Variants in CORO2B observed in about 807,000 individuals in gnomAD.
CORO2B encodes the protein coronin 2B, also known as coronin-2B.
CORO2B carries 26 observed loss-of-function variants against 58.8 expected under a neutral mutation model. That is an observed-to-expected ratio of 0.44 (90% CI 0.32 to 0.61). The LOEUF (loss-of-function observed/expected upper bound fraction) is 0.61, where lower values mean the gene tolerates loss of function less well. CORO2B is among the 20% of genes least tolerant of loss of function. The probability of loss-of-function intolerance (pLI) is 0.04; values close to 1 mark genes in which losing one functional copy is unlikely to be tolerated. For synonymous variants in CORO2B, 242 were observed against 253.8 expected (o/e 0.95, Z 0.44); for missense variants, 460 against 645.1 (o/e 0.71, Z 3.11).
At chr15:68,652,218 G>A (rs1022345284) in intron 2 of CORO2B, among the ~76,000 whole-genome samples, 3 of 152,344 alleles carry the variant, frequency 2.0e-5, no homozygotes, top group Non-Finnish European at 4.4e-5. Context: ...TATTCGGGCT[G>A]CCGTTGTGAA....
the CORO2B span, among the ~76,000 whole-genome samples, chr15:68,572,258 C>T: frequency 1.3e-5 from 2 of 152,186 alleles, no homozygotes; most frequent in African/African-American, 2.4e-5. Flanking sequence ...AGGATGGTCC[C>T]AGGAGCCACT....
the CORO2B span, among the ~76,000 whole-genome samples, chr15:68,571,365 A>G: frequency 2.0e-5 from 3 of 152,244 alleles, no homozygotes; most frequent in African/African-American, 2.4e-5. Context: ...CCTAAGAGCC[A>G]TGGCATTGTG....
In CORO2B at chr15:68,580,898, G is replaced by T. The variant is rs1899411567; in HGVS notation, c.15+1621G>T. 1.3e-5 allele frequency among the ~76,000 whole-genome samples: 2 copies of T among 152,192 alleles called. 1 individual carries two copies. Among genetic ancestry groups the T allele is most frequent in the Non-Finnish European group, 2.9e-5 (2 of 68,032 alleles). ...GAGGCCTGCAAGGAAGGTGTGTTCAGTTCTCTTTAACAGTGGAAGGAACTG... is the reference window on the plus strand; with the variant it reads ...GAGGCCTGCAAGGAAGGTGTGTTCATTTCTCTTTAACAGTGGAAGGAACTG... On this transcript the variant is annotated intron_variant, in intron 1 of 11. Transcript: ENST00000261861.
intron 1 of CORO2B, among the ~76,000 whole-genome samples, chr15:68,579,570 A>G (rs556373984): frequency 1.3e-5 from 2 of 152,026 alleles, no homozygotes; most frequent in Non-Finnish European, 2.9e-5. Flanking sequence ...TGCATTTTTA[A>G]CCCCTGGAGA....
intron 2 of CORO2B, among the ~76,000 whole-genome samples, chr15:68,666,538 T>C (rs1902198196): frequency 6.6e-6 from 1 of 152,178 alleles, no homozygotes; most frequent in Non-Finnish European, 1.5e-5. Context: ...TTCTGTCTAC[T>C]ACTCCTTCCC....
the CORO2B span, among the ~76,000 whole-genome samples, chr15:68,541,659 A>G: frequency 2.0e-5 from 3 of 152,176 alleles, no homozygotes; most frequent in South Asian, 2.1e-4. Flanking sequence ...CCAGTGCCCT[A>G]TGAATTATGA....
chr15:68,616,420 C>T (rs1304541391), intron 1 of CORO2B: 1 of 264,266 alleles, frequency 3.8e-6, no homozygotes, highest in African/African-American at 2.3e-5. Flanking sequence ...ATGACTCCAA[C>T]AGAAGGGGAA....
chr15:68,544,916 ACAGGCGCC>A, the CORO2B span, among the ~76,000 whole-genome samples: 1 of 152,064 alleles, frequency 6.6e-6, no homozygotes, highest in African/African-American at 2.4e-5. Flanking sequence ...AGCTGGGACT[ACAGGCGCC>A]CACCATCATG....
the CORO2B span, among the ~76,000 whole-genome samples, chr15:68,558,087 T>G: frequency 1.0e-4 from 15 of 144,856 alleles, no homozygotes; most frequent in South Asian, 2.3e-4. Flanking sequence ...GCAGGGAGGG[T>G]GGGTGCGGGC....
intron 2 of CORO2B, among the ~76,000 whole-genome samples, chr15:68,683,727 G>A (rs1324760946): frequency 1.3e-5 from 2 of 152,180 alleles, no homozygotes; most frequent in African/African-American, 4.8e-5. Flanking sequence ...CTCCCTCCCT[G>A]CAGAGCATGT....
At chr15:68,619,576 A>G (rs993250754) in intron 1 of CORO2B, among the ~76,000 whole-genome samples, 2 of 152,114 alleles carry the variant, frequency 1.3e-5, no homozygotes, top group Admixed American at 1.3e-4. Flanking sequence ...GCTTCTCAAA[A>G]ATGGACATAG....
At chr15:68,677,780 C>G (rs1106285) in intron 2 of CORO2B, among the ~76,000 whole-genome samples, 87,735 of 152,074 alleles carry the variant, frequency 0.58, 27,888 homozygotes, top group East Asian at 0.86. Flanking sequence ...CTGTGTGTCT[C>G]CTGCCTCCCC....
chr15:68,632,308 A>G (rs1900861930), intron 1 of CORO2B: 1 of 985,452 alleles, frequency 1.0e-6, no homozygotes. Context: ...GTTTCCTCTG[A>G]AGCTTGTCTG....
intron 2 of CORO2B, among the ~76,000 whole-genome samples, chr15:68,658,027 C>A (rs1901875259): frequency 6.6e-6 from 1 of 152,244 alleles, no homozygotes; most frequent in Non-Finnish European, 1.5e-5. Context: ...CCCCAAACTC[C>A]TAAGCTTCAC....
intron 2 of CORO2B, among the ~76,000 whole-genome samples, chr15:68,687,611 T>G (rs1903029189): frequency 6.6e-6 from 1 of 152,236 alleles, no homozygotes; most frequent in Non-Finnish European, 1.5e-5. Context: ...ACTATATAAT[T>G]TTATTTAATT....
At chr15:68,600,650 C>T (rs11856323) in intron 1 of CORO2B, among the ~76,000 whole-genome samples, 12,828 of 152,238 alleles carry the variant, frequency 0.084, 611 homozygotes, top group Non-Finnish European at 0.093. Flanking sequence ...CCATGGGTGC[C>T]GACCAGTGGG....
At chr15:68,694,613 A>T (rs7359303) in intron 2 of CORO2B, among the ~76,000 whole-genome samples, 2 of 152,070 alleles carry the variant, frequency 1.3e-5, no homozygotes, top group Non-Finnish European at 2.9e-5. Context: ...AGAGATTCAG[A>T]CCTCTCTGCT....
intron 1 of CORO2B, among the ~76,000 whole-genome samples, chr15:68,598,707 G>C (rs569013039): frequency 6.6e-6 from 1 of 152,206 alleles, no homozygotes; most frequent in Non-Finnish European, 1.5e-5. Context: ...GCTCTCCTCT[G>C]TGCCTTCCCA....
intron 1 of CORO2B, among the ~76,000 whole-genome samples, chr15:68,628,438 G>A (rs144349549): frequency 1.8e-4 from 28 of 152,348 alleles, no homozygotes; most frequent in African/African-American, 6.7e-4. Context: ...CAGTATTTGC[G>A]AAGTGCTTTG....
Sources: allele counts gnomAD v4.1 joint callset (sites outside exome capture counted in the v4.1 genomes callset), GRCh38; gene constraint gnomAD v4.1.1; transcripts MANE v1.5; gene names NCBI Gene and HGNC (gene_info 2026-07-23, HGNC 2026-07-21).